Variants in KAT2B observed in about 807,000 individuals in gnomAD.
KAT2B encodes the protein histone acetyltransferase KAT2B.
In KAT2B, 36 loss-of-function variants were observed where a neutral mutation model predicts 105.9. The ratio of observed to expected loss-of-function variants is 0.34; its 90% CI spans 0.26 to 0.45. The LOEUF is 0.45. Ranked by LOEUF, KAT2B falls within the 20% of genes least tolerant of loss-of-function variation. The pLI, the probability that KAT2B is intolerant of heterozygous loss-of-function variation, is 1.00. For missense variants in KAT2B, 820 were observed against 1,021.6 expected, an observed-to-expected ratio of 0.80 and a Z score of 2.69; for synonymous variants, 397 against 377.9, an observed-to-expected ratio of 1.05 and a Z score of -0.59.
At chr3:20,077,664 C>G (rs1234983839) in intron 2 of KAT2B, among the ~76,000 whole-genome samples, 1 of 152,042 alleles carries the variant, frequency 6.6e-6, no homozygotes, top group Non-Finnish European at 1.5e-5. Flanking sequence ...AAAATTATTT[C>G]TACTGGAAAA....
chr3:20,075,828 G>A (rs3942473), intron 2 of KAT2B, among the ~76,000 whole-genome samples: 16,452 of 149,856 alleles, frequency 0.11, 1,011 homozygotes, highest in East Asian at 0.24. Flanking sequence ...CATGAGAATC[G>A]ATTAAACCTG....
chr3:20,130,501 G>A (rs1699490154), intron 11 of KAT2B, among the ~76,000 whole-genome samples: 1 of 152,290 alleles, frequency 6.6e-6, no homozygotes, highest in South Asian at 2.1e-4. Flanking sequence ...TATGCCCTTG[G>A]TTTGTAATTT....
chr3:20,096,949 A>AAG (rs3062235), intron 3 of KAT2B, among the ~76,000 whole-genome samples: 22,596 of 150,156 alleles, frequency 0.15, 1,918 homozygotes, highest in East Asian at 0.3. Flanking sequence ...AATAATAGGA[A>AAG]AGAGAGAGAG....
At chr3:20,079,648 A>T (rs1698485190) in intron 2 of KAT2B, among the ~76,000 whole-genome samples, 1 of 152,176 alleles carries the variant, frequency 6.6e-6, no homozygotes, top group Non-Finnish European at 1.5e-5. Context: ...AGATCATTTG[A>T]CTCAACACAT....
chr3:20,058,347 C>T (rs140483462), intron 1 of KAT2B, among the ~76,000 whole-genome samples: 23,179 of 148,590 alleles, frequency 0.16, 2,130 homozygotes, highest in Middle Eastern at 0.23. Flanking sequence ...CTCAGCTACT[C>T]GGGAGGCTGA....
intron 1 of KAT2B, among the ~76,000 whole-genome samples, chr3:20,050,090 CT>C (rs1697888503): frequency 6.6e-6 from 1 of 151,770 alleles, no homozygotes; most frequent in African/African-American, 2.4e-5. Flanking sequence ...GTCCCAGCTA[CT>C]CAGAAGGCTG....
intron 1 of KAT2B, among the ~76,000 whole-genome samples, chr3:20,056,088 G>C (rs999055243): frequency 8.5e-5 from 13 of 152,296 alleles, no homozygotes; most frequent in African/African-American, 2.9e-4. Flanking sequence ...CCGGTTTGAA[G>C]TGACCCCTCT....
intron 14 of KAT2B, among the ~76,000 whole-genome samples, chr3:20,147,624 C>G (rs886540140): frequency 6.6e-6 from 1 of 152,156 alleles, no homozygotes; most frequent in Non-Finnish European, 1.5e-5. Context: ...AAAATAACAG[C>G]TTAACTCTTT....
Position 20,146,411 on chromosome 3 carries a change from A to G in KAT2B, c.2100A>G (p.Ile700Met). Residue 700 changes from isoleucine to methionine, a missense_variant, in exon 14 of 18, where the codon ATA becomes ATG. Physicochemically the swap from Ile to Met is conservative, Grantham distance 10. Transcript: ENST00000263754. ...CFKDGVRQIP[I>M]ESIPGIRETG... is the part of the protein sequence containing the mutation. ...AAGATGGAGTTCGACAGATTCCTAT[A>G]GAAAGCATTCCTGGAATTAGTACGT... 4 of 1,610,430 alleles carry G rather than the reference A, an allele frequency of 2.5e-6. No individual in the cohort carries two copies. Among genetic ancestry groups the G allele is most frequent in the South Asian group, 1.1e-5 (1 of 90,990 alleles).
intron 17 of KAT2B, among the ~76,000 whole-genome samples, chr3:20,149,791 A>G (rs1007836050): frequency 1.3e-5 from 2 of 152,178 alleles, no homozygotes; most frequent in Admixed American, 6.5e-5. Flanking sequence ...TCTGAATGGA[A>G]GGCTGATTTG....
In KAT2B at chr3:20,092,763, G is replaced by A. The variant is rs374118051; in HGVS notation, c.431-2500G>A. Among the ~76,000 whole-genome samples, 41 of 152,022 alleles carry A rather than the reference G, an allele frequency of 2.7e-4. No homozygotes were observed. The East Asian group carries it at 3.3e-3, about 12-fold the overall frequency. ...TGTCACTAGGCTGGAGTGCACTGGT[G>A]TGATGTCGGCTCACTGCAATCTCCG... is the stretch of plus-strand genomic sequence containing the variant. On this transcript the variant is annotated intron_variant, in intron 2 of 17. Transcript: ENST00000263754.
chr3:20,074,250 C>G (rs1218368917), intron 2 of KAT2B, among the ~76,000 whole-genome samples: 1 of 152,118 alleles, frequency 6.6e-6, no homozygotes, highest in Non-Finnish European at 1.5e-5. Context: ...CCTAAATATT[C>G]CAATGTAGGA....
At chr3:20,106,793 A>G (rs1280162283) in intron 5 of KAT2B, among the ~76,000 whole-genome samples, 4 of 150,964 alleles carry the variant, frequency 2.6e-5, no homozygotes, top group African/African-American at 9.7e-5. Context: ...AGAGCCTTAG[A>G]CGTTTGCAGA....
intron 1 of KAT2B, among the ~76,000 whole-genome samples, chr3:20,048,044 T>C (rs1253354763): frequency 6.6e-6 from 1 of 152,124 alleles, no homozygotes; most frequent in Admixed American, 6.6e-5. Context: ...GTACAAAGCA[T>C]GGAGGGAGGT....
intron 3 of KAT2B, among the ~76,000 whole-genome samples, chr3:20,097,298 C>G (rs1022994568): frequency 2.6e-5 from 4 of 152,174 alleles, no homozygotes; most frequent in African/African-American, 7.2e-5. Flanking sequence ...ACCAACCAAA[C>G]AAGCCAGAAA....
At chr3:20,093,662 A>C (rs1698761802) in intron 2 of KAT2B, among the ~76,000 whole-genome samples, 1 of 152,150 alleles carries the variant, frequency 6.6e-6, no homozygotes, top group Non-Finnish European at 1.5e-5. Context: ...ATCTCCCTTT[A>C]AAAGAACGAG....
Position 20,102,965 on chromosome 3 carries a change from C to A in KAT2B, c.851+1497C>A, listed in dbSNP as rs181101154. On this transcript the variant is annotated intron_variant, in intron 5 of 17. Coordinates refer to ENST00000263754, the MANE Select transcript of KAT2B (RefSeq NM_003884.5). Reference sequence around the variant, plus strand: ...ATTTAAAATAAGCTTTCCTCTCTGACATTGACCTAGTTTCATGTGTAACAC... The same window carrying A: ...ATTTAAAATAAGCTTTCCTCTCTGAAATTGACCTAGTTTCATGTGTAACAC... Among the ~76,000 whole-genome samples, 3 of 152,328 alleles carry A rather than the reference C, an allele frequency of 2.0e-5. No homozygotes were observed. The East Asian group carries it at 5.8e-4, about 29-fold the overall frequency.
intron 2 of KAT2B, among the ~76,000 whole-genome samples, chr3:20,092,654 A>G (rs1010452819): frequency 6.6e-6 from 1 of 151,720 alleles, no homozygotes; most frequent in African/African-American, 2.4e-5. Flanking sequence ...TGATGAATTG[A>G]TCCCTTTATC....
At chr3:20,055,375 A>G (rs1031225431) in intron 1 of KAT2B, among the ~76,000 whole-genome samples, 2 of 152,224 alleles carry the variant, frequency 1.3e-5, no homozygotes, top group African/African-American at 2.4e-5. Flanking sequence ...GCTTTCTGGT[A>G]GCAGAAGCAG....
Sources: gnomAD v4.1 joint callset for allele counts (sites outside exome capture counted in the v4.1 genomes callset) on GRCh38, gnomAD v4.1.1 for gene constraint, MANE v1.5 for transcripts, NCBI Gene and HGNC (gene_info 2026-07-23, HGNC 2026-07-21) for gene names.